ZNF229: variants seen among roughly 807,000 people sequenced by gnomAD.
ZNF229 encodes zinc finger protein 229.
A neutral mutation model predicts 11.8 loss-of-function variants in ZNF229; 10 were observed. The observed-to-expected ratio is 0.85, with a 90% CI of 0.52 to 1.44. ZNF229 has a LOEUF of 1.44. Among genes scored for constraint, ZNF229 ranks in the 40% most tolerant of loss-of-function variants. ZNF229 has a pLI of 0.00. For missense variants in ZNF229, 1,045 were observed against 1,015.1 expected (o/e 1.03, Z -0.40); for synonymous variants, 368 against 374.8 (o/e 0.98, Z 0.21).
At chr19:44,443,862 G>A (rs1372481698) in intron 2 of ZNF229, among the ~76,000 whole-genome samples, 1 of 151,994 alleles carries the variant, frequency 6.6e-6, no homozygotes, top group Non-Finnish European at 1.5e-5. Context: ...CAAATTCATG[G>A]AACTCCTGAG....
In ZNF229 at chr19:44,429,177, T is replaced by C. The variant is rs1420516911; in HGVS notation, c.1604A>G (p.His535Arg). 2 of 1,614,032 alleles carry C rather than the reference T, an allele frequency of 1.2e-6. No individual in the cohort carries two copies. Among genetic ancestry groups the C allele is most frequent in the South Asian group, 2.2e-5 (2 of 91,094 alleles). Reference sequence around the variant, plus strand: ...TTTCTCTCCTGTGTGCAGTCTCTGATGCATGAGAAGCCCTGAGCTGTAACT... The same window carrying C: ...TTTCTCTCCTGTGTGCAGTCTCTGACGCATGAGAAGCCCTGAGCTGTAACT... ...SFSYSSGLLM[H>R]QRLHTGEKPY... Residue 535 changes from histidine (H) to arginine (R), a missense_variant, in exon 6 of 6, where the codon CAT (histidine) becomes CGT (arginine). Coordinates refer to ENST00000614049, the MANE Select transcript of ZNF229 (RefSeq NM_014518.4).
intron 4 of ZNF229, among the ~76,000 whole-genome samples, chr19:44,432,641 G>T (rs1268006740): frequency 1.3e-5 from 2 of 151,462 alleles, no homozygotes; most frequent in Non-Finnish European, 2.9e-5. Context: ...ATTGAACAAT[G>T]AGAACACATG....
rs770752530 is a variant in ZNF229, at chr19:44,428,532, C to A, written c.2249G>T (p.Ser750Ile). 1 of 1,612,168 alleles carries A rather than the reference C, an allele frequency of 6.2e-7. No individual in the cohort carries two copies. Among genetic ancestry groups the A allele is most frequent in the Non-Finnish European group, 8.5e-7 (1 of 1,179,654 alleles). ...YRCHVCGKGYSQSSHLQGHQR... is the reference protein window; with the variant it reads ...YRCHVCGKGYIQSSHLQGHQR... ...ATGACCTTGAAGATGTGAGCTCTGA[C>A]TATAGCCCTTCCCACACACGTGGCA... is the stretch of plus-strand genomic sequence containing the variant. The change falls in exon 6 of 6, where the codon AGT (serine) becomes ATT (isoleucine). Residue 750 changes from serine to isoleucine, a missense_variant. Ser to Ile is a moderately radical substitution (Grantham distance 142, BLOSUM62 -2). Coordinates refer to ENST00000614049, the MANE Select transcript of ZNF229 (RefSeq NM_014518.4).
chr19:44,442,595 A>G lies in ZNF229; in HGVS notation c.61T>C (p.Ser21Pro). 3 of 1,614,076 alleles carry G rather than the reference A, an allele frequency of 1.9e-6. No homozygotes were observed. The highest frequency in any genetic ancestry group is 2.5e-6 in the Non-Finnish European group (3 of 1,180,012). Residue 21 changes from serine (S) to proline (P), a missense_variant, in exon 4 of 6, where the codon TCC becomes CCC. Ser to Pro is a moderately conservative substitution (Grantham distance 74). Coordinates refer to ENST00000614049, the MANE Select transcript of ZNF229 (RefSeq NM_014518.4). The part of the protein sequence containing the change: ...RALHSQASAI[S>P]QDREEKIMSQ... The stretch of plus-strand genomic sequence containing the variant: ...ATGATCTTCTCCTCCCTATCTTGGG[A>G]AATGGCTGAGGCTTGAGAATGAAGA...
At position 44,428,877 on chromosome 19, in the gene ZNF229, T is replaced by C. The variant is rs780590459; in HGVS notation, c.1904A>G (p.Lys635Arg). Residue 635 changes from lysine (K) to arginine (R), a missense_variant, in exon 6 of 6, where the codon AAA becomes AGA. Lys to Arg is a conservative substitution (Grantham distance 26). Transcript: ENST00000614049. Reference protein sequence around the residue: ...EKPYKCAECGKGFSYSSGLLI... With the variant: ...EKPYKCAECGRGFSYSSGLLI... ...AAGCCCTGAGCTGTAACTGAAGCCT[T>C]TGCCACACTCAGCACATTTATAGGG... 7.4e-6 allele frequency: 12 copies of C among 1,613,410 alleles called. No individual in the cohort carries two copies. In the South Asian group the frequency reaches 1.3e-4, roughly 18 times the overall value.
Position 44,429,231 on chromosome 19 carries a change from T to G in ZNF229, c.1550A>C (p.Tyr517Ser). 1 of 1,614,100 alleles carries G rather than the reference T, an allele frequency of 6.2e-7. No homozygotes were observed. The highest frequency in any genetic ancestry group is 8.5e-7 in the Non-Finnish European group (1 of 1,180,026). ...HQRVHMGQHL[Y>S]KCNVCGKSFS... ...ACTCTTACCACACACGTTACATTTG[T>G]ACAGATGCTGCCCCATGTGAACTCT... Residue 517 changes from tyrosine (Y) to serine (S), a missense_variant, in exon 6 of 6, where the codon TAC becomes TCC. By Grantham distance (144) the Tyr-to-Ser change is moderately radical. Coordinates refer to ENST00000614049, the MANE Select transcript of ZNF229 (RefSeq NM_014518.4).
At chr19:44,430,807 A>G (rs927719977) in intron 5 of ZNF229, among the ~76,000 whole-genome samples, 2 of 152,196 alleles carry the variant, frequency 1.3e-5, no homozygotes, top group African/African-American at 2.4e-5. Context: ...ATTTTTATAG[A>G]GAAAGTTCAC....
intron 2 of ZNF229, among the ~76,000 whole-genome samples, chr19:44,443,907 T>C (rs1203871445): frequency 6.6e-6 from 1 of 152,098 alleles, no homozygotes; most frequent in Non-Finnish European, 1.5e-5. Flanking sequence ...GAATTCCTTT[T>C]CAAAATTAAG....
intron 1 of ZNF229, among the ~76,000 whole-genome samples, chr19:44,447,862 C>CA (rs1972029072): frequency 6.6e-6 from 1 of 152,164 alleles, no homozygotes; most frequent in African/African-American, 2.4e-5. Context: ...AGAATCAAGA[C>CA]AAAATCTCAA....
At position 44,430,188 on chromosome 19, in the gene ZNF229, TC is replaced by T. The variant is rs1971691755; in HGVS notation, c.592del (p.Asp198MetfsTer39). 1 of 1,614,152 alleles carries T rather than the reference TC, an allele frequency of 6.2e-7. No homozygotes were observed. The highest frequency in any genetic ancestry group is 8.5e-7 in the Non-Finnish European group (1 of 1,180,050). ...GAGATTTTTACATCTTTCTTGAACA[TC>T]CCCTAACTGGTTCACAAACGCTTTT... Reference protein sequence around the residue: ...WAKAFVNQLGDVQERCKNLDT... With the variant: ...WAKAFVNQLGXVQERCKNLDT... On this transcript the variant is annotated frameshift_variant, in exon 6 of 6. Transcript: ENST00000614049. LOFTEE classifies it low-confidence loss of function (END_TRUNC).
chr19:44,429,035 C>T lies in ZNF229; in HGVS notation c.1746G>A (p.Arg582=). 1.2e-6 allele frequency: 2 copies of T among 1,610,626 alleles called. No individual in the cohort carries two copies. The highest frequency in any genetic ancestry group is 1.7e-6 in the Non-Finnish European group (2 of 1,178,920). ...YKCSECGKGF[R]RNSDLHSHQR... is the part of the protein sequence containing the mutation. The stretch of plus-strand genomic sequence containing the variant: ...GGTGGCTGTGAAGGTCTGAATTCCG[C>T]CGGAAGCCCTTCCCACACTCACTGC... The change falls in exon 6 of 6, where the codon CGG becomes CGA. Residue 582 remains arginine, a synonymous_variant. Transcript: ENST00000614049.
At chr19:44,446,742 T>G (rs1972009288) in intron 2 of ZNF229, among the ~76,000 whole-genome samples, 1 of 152,258 alleles carries the variant, frequency 6.6e-6, no homozygotes, top group South Asian at 2.1e-4. Context: ...TCATGGTGCT[T>G]ACTTTCGGGT....
At chr19:44,444,674 T>C (rs1971975135) in intron 2 of ZNF229, among the ~76,000 whole-genome samples, 1 of 152,194 alleles carries the variant, frequency 6.6e-6, no homozygotes, top group Non-Finnish European at 1.5e-5. Flanking sequence ...GCTCCAAAGA[T>C]TCTAATTCTG....
Position 44,427,470 on chromosome 19 carries a change from G to A in ZNF229, c.*833C>T, listed in dbSNP as rs1971598373. The A allele has an allele frequency of 6.7e-6, 1 of 149,030 alleles. No homozygotes were observed. The highest frequency in any genetic ancestry group is 6.8e-5 in the Admixed American group (1 of 14,776). 9.2% of individuals were successfully genotyped at this position (149,030 alleles called of 1,614,324 possible). On this transcript the variant is annotated 3_prime_UTR_variant, in exon 6 of 6. Transcript: ENST00000614049. Reference sequence around the variant, plus strand: ...TTAACCATCTCTAAGAAATATTACTGAGGGACCATATGAAATACTATCAGT... The same window carrying A: ...TTAACCATCTCTAAGAAATATTACTAAGGGACCATATGAAATACTATCAGT...
In ZNF229 at chr19:44,430,182, TGA is replaced by T. The variant is rs1971691419; in HGVS notation, c.597_598del (p.Gln200ArgfsTer4). 1 of 1,614,132 alleles carries T rather than the reference TGA, an allele frequency of 6.2e-7. No individual in the cohort carries two copies. Among genetic ancestry groups the T allele is most frequent in the Non-Finnish European group, 8.5e-7 (1 of 1,180,042 alleles). ...TGTGTCGAGATTTTTACATCTTTCT[TGA>T]ACATCCCCTAACTGGTTCACAAACG... On this transcript the variant is annotated frameshift_variant, in exon 6 of 6. Coordinates refer to ENST00000614049, the MANE Select transcript of ZNF229 (RefSeq NM_014518.4). LOFTEE classifies it low-confidence loss of function (END_TRUNC).
Position 44,426,700 on chromosome 19 carries a change from A to T in ZNF229, c.*1603T>A, listed in dbSNP as rs1476474588. On this transcript the variant is annotated 3_prime_UTR_variant, in exon 6 of 6. Coordinates refer to ENST00000614049, the MANE Select transcript of ZNF229 (RefSeq NM_014518.4). ...CTATTTTAAAAATGTTTTAAATTTAAAAACTCCACCTTCTGCATGCGTTTT... is the reference window on the plus strand; with the variant it reads ...CTATTTTAAAAATGTTTTAAATTTATAAACTCCACCTTCTGCATGCGTTTT... 6.6e-6 allele frequency: 1 copy of T among 152,000 alleles called. No individual in the cohort carries two copies. Among genetic ancestry groups the T allele is most frequent in the Non-Finnish European group, 1.5e-5 (1 of 68,024 alleles). The allele number at this position is 152,000 out of a possible 1,614,324, so 9.4% of individuals were successfully genotyped here.
intron 4 of ZNF229, among the ~76,000 whole-genome samples, chr19:44,436,894 G>T (rs1273077516): frequency 6.6e-6 from 1 of 151,690 alleles, no homozygotes; most frequent in East Asian, 1.9e-4. Context: ...CTTTGTATTT[G>T]ATATGTATAC....
At chr19:44,439,441 T>C (rs532806858) in intron 4 of ZNF229, among the ~76,000 whole-genome samples, 20 of 152,252 alleles carry the variant, frequency 1.3e-4, no homozygotes, top group Admixed American at 9.8e-4. Context: ...AAAGCATACA[T>C]GTTTCCATTT....
rs765258929 is a variant in ZNF229 at position 44,429,450 on chromosome 19, G to A, written c.1331C>T (p.Ala444Val). ...TCSECGKGFC[A>V]KSALHKHQHI... Reference sequence around the variant, plus strand: ...CTGGTGTTTGTGCAGTGCAGACTTGGCACAGAAGCCTTTGCCACACTCGCT... The same window carrying A: ...CTGGTGTTTGTGCAGTGCAGACTTGACACAGAAGCCTTTGCCACACTCGCT... Residue 444 changes from alanine (A) to valine (V), a missense_variant, in exon 6 of 6, where the codon GCC becomes GTC. Physicochemically the swap from Ala to Val is moderately conservative, Grantham distance 64. Coordinates refer to ENST00000614049, the MANE Select transcript of ZNF229 (RefSeq NM_014518.4). 4 of 1,613,126 alleles carry A rather than the reference G, an allele frequency of 2.5e-6. No homozygotes were observed. In the South Asian group the frequency reaches 4.4e-5, roughly 18 times the overall value.
Sources: allele counts gnomAD v4.1 joint callset (sites outside exome capture counted in the v4.1 genomes callset), GRCh38; gene constraint gnomAD v4.1.1; transcripts MANE v1.5; gene names NCBI Gene and HGNC (gene_info 2026-07-23, HGNC 2026-07-21).